Variants in SMYD3 observed in about 807,000 individuals in gnomAD.
SMYD3 encodes the protein histone-lysine N-methyltransferase SMYD3.
Under a neutral mutation model 57.7 loss-of-function variants are expected in SMYD3, and 36 were observed. The observed-to-expected ratio is 0.62, with a 90% confidence interval of 0.48 to 0.82. SMYD3 has a LOEUF of 0.82. Among genes scored for constraint, SMYD3 ranks in the 40% least tolerant of loss-of-function variants. SMYD3 has a pLI of 0.00. For synonymous variants in SMYD3, 211 were observed against 195.0 expected, an observed-to-expected ratio of 1.08 and a Z score of -0.68; for missense variants, 515 against 538.8, an observed-to-expected ratio of 0.96 and a Z score of 0.44.
At chr1:246,451,545 T>C (rs2067632426) in intron 1 of SMYD3, among the ~76,000 whole-genome samples, 1 of 152,150 alleles carries the variant, frequency 6.6e-6, no homozygotes, top group African/African-American at 2.4e-5. Context: ...CTCTATGATA[T>C]GATGATGGTG....
rs115089500 is a variant in SMYD3, at chr1:246,001,578, G to A, written c.532-71641C>T. ...CATGGCTGTTTCTCATCATGTGGTC[G>A]CTGGCTCTGCGAGCTGTGGTTTGAA... On this transcript the variant is annotated intron_variant, in intron 5 of 11. Coordinates refer to ENST00000490107, the MANE Select transcript of SMYD3 (RefSeq NM_001167740.2). 2.7e-3 allele frequency among the ~76,000 whole-genome samples: 405 copies of A among 152,246 alleles called. 1 individual carries two copies. Among genetic ancestry groups the A allele is most frequent in the Non-Finnish European group, 5.0e-3 (339 of 68,014 alleles).
chr1:245,934,737 A>G (rs1007760599), intron 5 of SMYD3, among the ~76,000 whole-genome samples: 1 of 152,176 alleles, frequency 6.6e-6, no homozygotes, highest in Non-Finnish European at 1.5e-5. Flanking sequence ...AGTACAGGTG[A>G]TTTCGGCATC....
At chr1:246,420,250 T>C (rs771492097) in intron 1 of SMYD3, among the ~76,000 whole-genome samples, 19 of 150,512 alleles carry the variant, frequency 1.3e-4, no homozygotes, top group Admixed American at 2.0e-4. Flanking sequence ...AAGAAGCTAA[T>C]ACATAAACCA....
At chr1:246,362,525 G>A (rs975568703) in intron 1 of SMYD3, among the ~76,000 whole-genome samples, 4 of 152,010 alleles carry the variant, frequency 2.6e-5, no homozygotes, top group Non-Finnish European at 4.4e-5. Context: ...AAGCTGGACT[G>A]TACTGCTGCC....
chr1:246,383,489 T>G (rs1009281748), intron 1 of SMYD3, among the ~76,000 whole-genome samples: 1 of 152,194 alleles, frequency 6.6e-6, no homozygotes, highest in African/African-American at 2.4e-5. Flanking sequence ...AGAAAAGCAC[T>G]GGTCTAATAT....
intron 1 of SMYD3, among the ~76,000 whole-genome samples, chr1:246,381,765 G>A (rs1205161633): frequency 6.6e-6 from 1 of 152,214 alleles, no homozygotes; most frequent in Admixed American, 6.5e-5. Context: ...GACACTTTTA[G>A]AAGAAAATCA....
intron 8 of SMYD3, among the ~76,000 whole-genome samples, chr1:245,906,118 G>GC (rs1256194275): frequency 1.3e-5 from 2 of 152,100 alleles, no homozygotes; most frequent in East Asian, 3.9e-4. Flanking sequence ...ATAAACACAG[G>GC]CAACCAAAGA....
At chr1:246,443,647 A>AT (rs773838099) in intron 1 of SMYD3, among the ~76,000 whole-genome samples, 75 of 152,150 alleles carry the variant, frequency 4.9e-4, no homozygotes, top group Non-Finnish European at 8.8e-4. Context: ...CCTAACACCA[A>AT]TTTTTTCACT....
intron 5 of SMYD3, among the ~76,000 whole-genome samples, chr1:246,175,509 T>C (rs2062417162): frequency 6.6e-6 from 1 of 152,214 alleles, no homozygotes; most frequent in Admixed American, 6.5e-5. Context: ...CACCTGAGGA[T>C]TAAAACACTT....
At chr1:246,166,648 G>C (rs554834681) in intron 5 of SMYD3, among the ~76,000 whole-genome samples, 1 of 152,286 alleles carries the variant, frequency 6.6e-6, no homozygotes, top group East Asian at 1.9e-4. Flanking sequence ...AAGTGCTCAA[G>C]ATAATGTTTG....
chr1:246,166,880 C>G (rs1052704491), intron 5 of SMYD3, among the ~76,000 whole-genome samples: 2 of 152,164 alleles, frequency 1.3e-5, no homozygotes, highest in Non-Finnish European at 2.9e-5. Flanking sequence ...CTATCCAGCT[C>G]CAAAACATTT....
At chr1:246,235,870 T>C (rs2063505946) in intron 5 of SMYD3, among the ~76,000 whole-genome samples, 2 of 152,134 alleles carry the variant, frequency 1.3e-5, no homozygotes, top group South Asian at 2.1e-4. Context: ...ATATGGCTAG[T>C]GCAACTGAGA....
intron 5 of SMYD3, among the ~76,000 whole-genome samples, chr1:246,095,272 G>A (rs2060894245): frequency 6.6e-6 from 1 of 152,128 alleles, no homozygotes; most frequent in African/African-American, 2.4e-5. Flanking sequence ...AAAGGGGAAG[G>A]AGCCCATGGC....
At chr1:245,794,390 C>T (rs1265033706) in intron 10 of SMYD3, among the ~76,000 whole-genome samples, 1 of 152,220 alleles carries the variant, frequency 6.6e-6, no homozygotes, top group African/African-American at 2.4e-5. Flanking sequence ...ACATTGAAGA[C>T]ATTCCACGTG....
Position 246,422,546 on chromosome 1 carries a change from T to C in SMYD3, c.165-67452A>G, listed in dbSNP as rs966224837. Among the ~76,000 whole-genome samples the C allele has an allele frequency of 4.4e-4, 67 of 152,186 alleles. 1 individual carries two copies. The highest frequency in any genetic ancestry group is 1.6e-3 in the African/African-American group (66 of 41,518). ...TTCAAGGGATTCTCCTGCCTCAGCC[T>C]CCTGAGCAGCTGGGACTACCAGAGC... On this transcript the variant is annotated intron_variant, in intron 1 of 11. Transcript: ENST00000490107.
At chr1:246,261,075 T>G (rs1437982940) in intron 5 of SMYD3, among the ~76,000 whole-genome samples, 1 of 151,702 alleles carries the variant, frequency 6.6e-6, no homozygotes, top group Non-Finnish European at 1.5e-5. Context: ...TGTTGTTTAT[T>G]TGAGACGGCG....
chr1:246,252,563 A>G (rs1487636952), intron 5 of SMYD3, among the ~76,000 whole-genome samples: 1 of 152,162 alleles, frequency 6.6e-6, no homozygotes. Flanking sequence ...AAAAAAATCC[A>G]TGTATTTATT....
chr1:245,866,000 A>G (rs1330116316), intron 8 of SMYD3, among the ~76,000 whole-genome samples: 2 of 152,032 alleles, frequency 1.3e-5, no homozygotes, highest in African/African-American at 2.4e-5. Context: ...GAAGGATGAC[A>G]TAAGGGTGAG....
At chr1:246,154,817 T>A (rs1310753589) in intron 5 of SMYD3, among the ~76,000 whole-genome samples, 1 of 151,798 alleles carries the variant, frequency 6.6e-6, no homozygotes, top group Non-Finnish European at 1.5e-5. Context: ...AGTCTCACTC[T>A]GTCGCCCAGG....
Sources: allele counts gnomAD v4.1 joint callset (sites outside exome capture counted in the v4.1 genomes callset), GRCh38; gene constraint gnomAD v4.1.1; transcripts MANE v1.5; gene names NCBI Gene and HGNC (gene_info 2026-07-23, HGNC 2026-07-21).